SIK3: variants seen among roughly 807,000 people sequenced by gnomAD.
The protein encoded by SIK3 is SIK family kinase 3.
Under a neutral mutation model 144.2 loss-of-function variants are expected in SIK3, and 28 were observed. That is an observed-to-expected ratio of 0.19 (90% CI 0.14 to 0.27). The LOEUF (loss-of-function observed/expected upper bound fraction) is 0.27. Ranked by LOEUF, SIK3 falls within the 10% of genes least tolerant of loss-of-function variation. The probability of loss-of-function intolerance (pLI) is 1.00; values close to 1 mark genes in which losing one functional copy is unlikely to be tolerated. For missense variants in SIK3, 1,319 were observed against 1,776.0 expected (o/e 0.74, Z 4.62); for synonymous variants, 686 against 676.3 (o/e 1.01, Z -0.22).
In SIK3 at chr11:116,870,388, A is replaced by T; in HGVS notation, c.1751T>A (p.Val584Asp). Residue 584 changes from valine (V) to aspartate (D), a missense_variant, in exon 14 of 25, where the codon GTT becomes GAT. Val to Asp is a radical substitution (Grantham distance 152). Around this residue, in one of 8 missense-constraint regions of SIK3, gnomAD observed 167 missense variants for 263.3 expected, o/e 0.63. Coordinates refer to ENST00000445177, the MANE Select transcript of SIK3 (RefSeq NM_001366686.3). ...TGAGCTCTCCTCGTCCACAGGGGTA[A>T]CTGCTGGCACTGCCTGAAGAGAGAC... ...LVTMTPAVPA[V>D]TPVDEESSDG... is the part of the protein sequence containing the mutation. The T allele has an allele frequency of 6.2e-7, 1 of 1,612,408 alleles. No individual in the cohort carries two copies. The highest frequency in any genetic ancestry group is 8.5e-7 in the Non-Finnish European group (1 of 1,180,004).
chr11:116,928,458 T>C (rs1011275112), intron 3 of SIK3, among the ~76,000 whole-genome samples: 17 of 152,232 alleles, frequency 1.1e-4, no homozygotes, highest in African/African-American at 3.1e-4. Context: ...AAGTGAAAAA[T>C]GAGGGAATAT....
intron 1 of SIK3, among the ~76,000 whole-genome samples, chr11:117,001,282 C>T (rs1950839811): frequency 6.6e-6 from 1 of 152,120 alleles, no homozygotes; most frequent in African/African-American, 2.4e-5. Context: ...AAGGCAGGTG[C>T]ATCACCTGAG....
intron 21 of SIK3, among the ~76,000 whole-genome samples, chr11:116,856,100 G>T (rs149778858): frequency 2.0e-5 from 3 of 151,958 alleles, no homozygotes; most frequent in African/African-American, 7.3e-5. Context: ...GGGAGGCTGA[G>T]GCAGGAGAAT....
At chr11:116,921,399 C>T (rs1274320064) in intron 4 of SIK3, among the ~76,000 whole-genome samples, 1 of 152,176 alleles carries the variant, frequency 6.6e-6, no homozygotes, top group Non-Finnish European at 1.5e-5. Context: ...GCTGGAGTCA[C>T]GTTTCACGCT....
intron 1 of SIK3, among the ~76,000 whole-genome samples, chr11:116,979,699 T>C (rs1039122811): frequency 6.6e-6 from 1 of 151,986 alleles, no homozygotes; most frequent in Non-Finnish European, 1.5e-5. Context: ...ATACAAAAAC[T>C]AGCCAGGCGT....
intron 1 of SIK3, among the ~76,000 whole-genome samples, chr11:117,085,571 C>T (rs1954968770): frequency 6.6e-6 from 1 of 152,170 alleles, no homozygotes; most frequent in African/African-American, 2.4e-5. Flanking sequence ...GGTATAAATG[C>T]AAGATTGGTC....
intron 4 of SIK3, among the ~76,000 whole-genome samples, chr11:116,918,749 G>A (rs964579386): frequency 6.6e-6 from 1 of 152,092 alleles, no homozygotes; most frequent in Non-Finnish European, 1.5e-5. Flanking sequence ...GAACATCAAC[G>A]TTTTTTCTGT....
chr11:116,875,638 T>A (rs1689966910), intron 9 of SIK3, 187 bp from the exon 10 acceptor site: 4 of 802,234 alleles, frequency 5.0e-6, no homozygotes, highest in Non-Finnish European at 7.7e-6. Flanking sequence ...CATGATTTGC[T>A]ATTTCTTCAA....
Position 116,877,034 on chromosome 11 carries a change from G to A in SIK3, c.874C>T (p.His292Tyr). 1 of 1,614,114 alleles carries A rather than the reference G, an allele frequency of 6.2e-7. No individual in the cohort carries two copies. The highest frequency in any genetic ancestry group is 8.5e-7 in the Non-Finnish European group (1 of 1,179,976). Residue 292 changes from histidine to tyrosine, a missense_variant, in exon 7 of 25, where the codon CAT (histidine) becomes TAT (tyrosine). By Grantham distance (83) the His-to-Tyr change is moderately conservative (BLOSUM62 2). Around this residue, in one of 8 missense-constraint regions of SIK3, gnomAD observed 125 missense variants for 285.2 expected, o/e 0.44. Transcript: ENST00000445177. ...AACACCAACATATGGCGGATCAAAT[G>A]CTCACATTCTGCAATGGACAAACAG... ...IPFFMSTECEHLIRHMLVLDP... is the reference protein window; with the variant it reads ...IPFFMSTECEYLIRHMLVLDP...
intron 13 of SIK3, 54 bp downstream of exon 13, chr11:116,873,426 AC>A (rs1185374431): frequency 6.2e-7 from 1 of 1,613,090 alleles, no homozygotes; most frequent in African/African-American, 1.3e-5. Flanking sequence ...CAGGCTCACA[AC>A]CTTTTTATCA....
At chr11:116,890,141 A>T (rs889868421) in intron 6 of SIK3, among the ~76,000 whole-genome samples, 11 of 152,214 alleles carry the variant, frequency 7.2e-5, no homozygotes, top group Admixed American at 5.2e-4. Context: ...AATGCTTATT[A>T]TGGTCAAGTG....
chr11:116,907,680 A>G (rs1946116061), intron 4 of SIK3, among the ~76,000 whole-genome samples: 1 of 152,126 alleles, frequency 6.6e-6, no homozygotes, highest in Non-Finnish European at 1.5e-5. Flanking sequence ...TTCCTTAGTT[A>G]TTACAGTTTA....
intron 1 of SIK3, among the ~76,000 whole-genome samples, chr11:117,076,898 A>G (rs968669489): frequency 4.6e-5 from 7 of 152,184 alleles, no homozygotes; most frequent in African/African-American, 1.2e-4. Context: ...GCTCATGCCT[A>G]TAATTCCAGT....
chr11:117,061,978 G>C (rs1953815266), intron 1 of SIK3, among the ~76,000 whole-genome samples: 1 of 151,468 alleles, frequency 6.6e-6, no homozygotes, highest in Non-Finnish European at 1.5e-5. Context: ...TTTCAAATAA[G>C]TGAGTAAATG....
intron 6 of SIK3, among the ~76,000 whole-genome samples, chr11:116,880,370 C>T (rs184277587): frequency 4.0e-5 from 6 of 151,830 alleles, no homozygotes; most frequent in East Asian, 1.9e-4. Context: ...GACTACTCAA[C>T]GATGTCCTAT....
chr11:116,910,246 TA>T (rs1335486453), intron 4 of SIK3, among the ~76,000 whole-genome samples: 2 of 151,794 alleles, frequency 1.3e-5, no homozygotes, highest in Admixed American at 1.3e-4. Flanking sequence ...CGAAGAACAC[TA>T]AAAAAAATTA....
intron 1 of SIK3, among the ~76,000 whole-genome samples, chr11:117,034,720 T>C (rs1337028583): frequency 1.3e-5 from 2 of 152,212 alleles, no homozygotes; most frequent in African/African-American, 4.8e-5. Context: ...GCATGGTCTT[T>C]ACATTTCAAA....
intron 3 of SIK3, among the ~76,000 whole-genome samples, chr11:116,935,475 T>C (rs1276755748): frequency 6.6e-6 from 1 of 152,170 alleles, no homozygotes; most frequent in African/African-American, 2.4e-5. Flanking sequence ...ATCAAGTCCA[T>C]TCACAGTAAT....
intron 1 of SIK3, among the ~76,000 whole-genome samples, chr11:116,989,655 G>T (rs368718953): frequency 6.6e-6 from 1 of 151,816 alleles, no homozygotes; most frequent in Non-Finnish European, 1.5e-5. Context: ...TGAAAAATTA[G>T]ACTTGACTGT....
Sources: allele counts gnomAD v4.1 joint callset (sites outside exome capture counted in the v4.1 genomes callset), GRCh38; gene constraint gnomAD v4.1.1; regional missense constraint gnomAD v4.1.1; transcripts MANE v1.5; gene names NCBI Gene and HGNC (gene_info 2026-07-23, HGNC 2026-07-21).